Variants in PCDH15 observed in about 807,000 individuals in gnomAD.
PCDH15 encodes the protein protocadherin-15.
Under a neutral mutation model 178.5 loss-of-function variants are expected in PCDH15, and 129 were observed. That is an observed-to-expected ratio of 0.72 (90% CI 0.63 to 0.84). The LOEUF is 0.84. PCDH15 is among the 40% of genes least tolerant of loss of function. The pLI is 0.00. For synonymous variants in PCDH15, 800 were observed against 732.0 expected (o/e 1.09, Z -1.50); for missense variants, 2,230 against 2,099.9 (o/e 1.06, Z -1.21).
chr10:55,056,235 TAA>T (rs1417919699), intron 2 of PCDH15, among the ~76,000 whole-genome samples: 6 of 152,142 alleles, frequency 3.9e-5, no homozygotes, highest in Non-Finnish European at 8.8e-5. Flanking sequence ...ACACCACCAT[TAA>T]ACATTAAAGC....
chr10:54,714,310 T>C (rs552626971), intron 1 of PCDH15, among the ~76,000 whole-genome samples: 4 of 152,072 alleles, frequency 2.6e-5, no homozygotes, highest in East Asian at 1.9e-4. Context: ...TTTTCAGCAG[T>C]GTAGAGATGA....
At chr10:54,871,549 G>C (rs1391406954) in intron 3 of PCDH15, among the ~76,000 whole-genome samples, 1 of 151,872 alleles carries the variant, frequency 6.6e-6, no homozygotes, top group African/African-American at 2.4e-5. Context: ...ATCTCTAAAA[G>C]AGTAAAGTTC....
Position 55,301,982 on chromosome 10 carries a change from T to A in PCDH15, c.-156+17617A>T, listed in dbSNP as rs541023781. Among the ~76,000 whole-genome samples the A allele has an allele frequency of 2.0e-5, 3 of 152,294 alleles. No homozygotes were observed. The East Asian group carries it at 5.8e-4, about 29-fold the overall frequency. On this transcript the variant is annotated intron_variant, in intron 1 of 5. Coordinates refer to the PCDH15 transcript ENST00000458638. Reference sequence around the variant, plus strand: ...AGCCAAAACAGCACTGTCTTGATTATCGTGACTAGAAAATTAGACGAAGTT... The same window carrying A: ...AGCCAAAACAGCACTGTCTTGATTAACGTGACTAGAAAATTAGACGAAGTT...
intron 11 of PCDH15, among the ~76,000 whole-genome samples, chr10:54,188,538 A>T (rs1322348556): frequency 6.6e-6 from 1 of 151,902 alleles, no homozygotes; most frequent in Non-Finnish European, 1.5e-5. Flanking sequence ...CAGTCAGTAT[A>T]TACCAAAAGT....
At chr10:54,401,030 T>C (rs1951868429) in intron 3 of PCDH15, among the ~76,000 whole-genome samples, 1 of 152,008 alleles carries the variant, frequency 6.6e-6, no homozygotes, top group Admixed American at 6.6e-5. Flanking sequence ...GCAGGACATG[T>C]ATTTTCGAAA....
At chr10:55,213,588 T>C (rs1344662415) in intron 1 of PCDH15, among the ~76,000 whole-genome samples, 1 of 151,862 alleles carries the variant, frequency 6.6e-6, no homozygotes, top group African/African-American at 2.4e-5. Context: ...CATAAATGTA[T>C]CTTATATTTT....
intron 2 of PCDH15, among the ~76,000 whole-genome samples, chr10:55,153,375 G>A (rs1838791071): frequency 6.6e-6 from 1 of 152,138 alleles, no homozygotes; most frequent in Admixed American, 6.6e-5. Flanking sequence ...TCAGCCTGGA[G>A]GACAGGCTGC....
At chr10:55,076,561 C>T (rs1157942829) in intron 2 of PCDH15, among the ~76,000 whole-genome samples, 1 of 151,616 alleles carries the variant, frequency 6.6e-6, no homozygotes, top group Non-Finnish European at 1.5e-5. Context: ...TCTTGTGCCT[C>T]AGCCTCCAAA....
chr10:55,561,587 G>T (rs1044417729), intron 2 of PCDH15, among the ~76,000 whole-genome samples: 10 of 151,774 alleles, frequency 6.6e-5, no homozygotes, highest in Admixed American at 5.9e-4. Flanking sequence ...TTCCCAAATA[G>T]GCCTCTTAAT....
At chr10:54,886,595 C>T (rs1202779879) in intron 3 of PCDH15, among the ~76,000 whole-genome samples, 1 of 152,198 alleles carries the variant, frequency 6.6e-6, no homozygotes, top group Non-Finnish European at 1.5e-5. Context: ...AACCACATCT[C>T]TACCGAAAAT....
At chr10:53,869,405 A>G (rs1216876072) in intron 26 of PCDH15, among the ~76,000 whole-genome samples, 1 of 152,210 alleles carries the variant, frequency 6.6e-6, no homozygotes, top group Admixed American at 6.5e-5. Context: ...GAGTCAAGGT[A>G]TCCAAGACAT....
intron 2 of PCDH15, among the ~76,000 whole-genome samples, chr10:55,105,339 GA>G (rs924651581): frequency 1.3e-5 from 2 of 151,674 alleles, no homozygotes; most frequent in East Asian, 3.9e-4. Context: ...ACATTTATTG[GA>G]AAAAAATCAC....
At chr10:55,060,689 T>C (rs891002167) in intron 2 of PCDH15, among the ~76,000 whole-genome samples, 4 of 152,080 alleles carry the variant, frequency 2.6e-5, no homozygotes, top group Admixed American at 2.0e-4. Flanking sequence ...AGAAGAAAAT[T>C]AGAAAACAAT....
chr10:54,060,350 A>G (rs575575022), intron 18 of PCDH15, among the ~76,000 whole-genome samples: 305 of 152,328 alleles, frequency 2.0e-3, no homozygotes, highest in Non-Finnish European at 3.4e-3. Flanking sequence ...AGGCAAATGC[A>G]AGAGTGCAAC....
At chr10:54,046,756 T>A (rs770265780) in intron 18 of PCDH15, among the ~76,000 whole-genome samples, 10 of 152,170 alleles carry the variant, frequency 6.6e-5, no homozygotes, top group Non-Finnish European at 1.5e-4. Flanking sequence ...TACTGTATAA[T>A]AATATACTAA....
chr10:54,160,247 A>G (rs958648315), intron 13 of PCDH15, among the ~76,000 whole-genome samples: 1 of 152,286 alleles, frequency 6.6e-6, no homozygotes, highest in Non-Finnish European at 1.5e-5. Flanking sequence ...AAAATGGCAC[A>G]AAATTTAAAA....
At chr10:55,088,046 CTTTATG>C (rs1180653684) in intron 2 of PCDH15, among the ~76,000 whole-genome samples, 1 of 152,040 alleles carries the variant, frequency 6.6e-6, no homozygotes, top group Non-Finnish European at 1.5e-5. Context: ...CGATTAAATG[CTTTATG>C]TTTATATTAT....
At chr10:54,271,832 T>C (rs533292136) in intron 8 of PCDH15, among the ~76,000 whole-genome samples, 16 of 151,734 alleles carry the variant, frequency 1.1e-4, no homozygotes, top group South Asian at 8.3e-4. Flanking sequence ...GTATATCTCA[T>C]ACATCTTCAT....
At chr10:54,926,304 A>G (rs759109002) in intron 2 of PCDH15, among the ~76,000 whole-genome samples, 2 of 152,054 alleles carry the variant, frequency 1.3e-5, no homozygotes, top group African/African-American at 2.4e-5. Flanking sequence ...AGCCTACTTG[A>G]TCATGGTGGA....
Sources: gnomAD v4.1 joint callset for allele counts (sites outside exome capture counted in the v4.1 genomes callset) on GRCh38, gnomAD v4.1.1 for gene constraint, MANE v1.5 for transcripts, NCBI Gene and HGNC (gene_info 2026-07-23, HGNC 2026-07-21) for gene names.